Variants in ULK4 observed in about 807,000 individuals in gnomAD.
ULK4 encodes the protein unc-51 like kinase 4, also known as inactive serine/threonine-protein kinase ULK4.
Under a neutral mutation model 160.6 loss-of-function variants are expected in ULK4, and 133 were observed. The observed-to-expected ratio is 0.83, with a 90% confidence interval of 0.72 to 0.96. ULK4 has a LOEUF of 0.96. Ranked by LOEUF, ULK4 falls within the 40% of genes least tolerant of loss-of-function variation. ULK4 has a pLI of 0.00. For missense variants in ULK4, 1,580 were observed against 1,499.5 expected (o/e 1.05, Z -0.89); for synonymous variants, 534 against 539.8 (o/e 0.99, Z 0.15).
intron 9 of ULK4, among the ~76,000 whole-genome samples, 162 bp downstream of exon 9, chr3:41,912,645 T>C (rs1031469578): frequency 2.6e-5 from 4 of 152,210 alleles, no homozygotes; most frequent in South Asian, 4.1e-4. Context: ...CATAAAAATA[T>C]CATGAGTAAA....
At chr3:41,595,789 T>C (rs2031649724) in intron 31 of ULK4, among the ~76,000 whole-genome samples, 1 of 152,036 alleles carries the variant, frequency 6.6e-6, no homozygotes, top group Non-Finnish European at 1.5e-5. Context: ...AAAAGTGCAA[T>C]CTCAGTAAAG....
intron 35 of ULK4, among the ~76,000 whole-genome samples, chr3:41,362,289 AT>A (rs550686024): frequency 1.2e-4 from 19 of 152,162 alleles, no homozygotes; most frequent in Non-Finnish European, 2.1e-4. Context: ...TTATTCTGGA[AT>A]TTTTTTTAGA....
intron 32 of ULK4, among the ~76,000 whole-genome samples, chr3:41,502,858 T>C (rs1180777787): frequency 2.0e-5 from 3 of 152,206 alleles, no homozygotes; most frequent in Admixed American, 1.3e-4. Flanking sequence ...ATCTTGATTA[T>C]GGTGATGGCT....
intron 23 of ULK4, among the ~76,000 whole-genome samples, chr3:41,716,030 A>G (rs2037253456): frequency 6.6e-6 from 1 of 151,366 alleles, no homozygotes; most frequent in Non-Finnish European, 1.5e-5. Flanking sequence ...TGGCCAAAAT[A>G]GTGAAACCCC....
rs766812553 is a variant in ULK4, at chr3:41,931,891, T to A, written c.494A>T (p.Asp165Val). ...ALVAAEEGGGDNGENVLKKSM... is the reference protein window; with the variant it reads ...ALVAAEEGGGVNGENVLKKSM... ...TTTCTTCAGGACATTTTCCCCATTA[T>A]CACCTCCTCCTTCCTCTGCTGCCAC... Residue 165 changes from aspartate to valine, a missense_variant, in exon 5 of 37, where the codon GAT becomes GTT. Physicochemically the swap from Asp to Val is radical, Grantham distance 152. Transcript: ENST00000301831. 3.1e-6 allele frequency: 5 copies of A among 1,614,140 alleles called. No individual in the cohort carries two copies. In the South Asian group the frequency reaches 5.5e-5, roughly 18 times the overall value.
intron 34 of ULK4, among the ~76,000 whole-genome samples, chr3:41,412,559 T>G (rs1020350699): frequency 5.3e-5 from 4 of 75,380 alleles, no homozygotes; most frequent in South Asian, 6.5e-4. Context: ...TTGAATTTTT[T>G]TTTTTTTTTT....
intron 35 of ULK4, among the ~76,000 whole-genome samples, chr3:41,327,291 C>T (rs535817961): frequency 6.6e-6 from 1 of 152,088 alleles, no homozygotes; most frequent in East Asian, 1.9e-4. Context: ...GAGCAAATTA[C>T]ACCAAATCCC....
intron 27 of ULK4, among the ~76,000 whole-genome samples, chr3:41,686,646 G>C (rs79145828): frequency 0.033 from 4,984 of 152,160 alleles, 198 homozygotes; most frequent in African/African-American, 0.089. Flanking sequence ...GATGACATAG[G>C]AAAAGTTCTA....
rs540747815 is a variant in ULK4 at position 41,911,323 on chromosome 3, A to C, written c.1079T>G (p.Leu360Arg). ...LEGQLNESMF[L>R]LSSRPTPRTS... ...CTTTTTTCATTTTACCTACCTGAGA[A>C]GAAACATGGATTCATTCAATTGACC... The change falls in exon 11 of 37, where the codon CTT (leucine) becomes CGT (arginine). Residue 360 changes from leucine to arginine, a missense_variant. By Grantham distance (102) the Leu-to-Arg change is moderately radical. Coordinates refer to ENST00000301831, the MANE Select transcript of ULK4 (RefSeq NM_017886.4). The C allele has an allele frequency of 1.1e-5, 17 of 1,613,710 alleles. No individual in the cohort carries two copies. The South Asian group carries it at 1.9e-4, about 18-fold the overall frequency.
At chr3:41,486,182 A>C (rs1302935197) in intron 32 of ULK4, among the ~76,000 whole-genome samples, 1 of 152,104 alleles carries the variant, frequency 6.6e-6, no homozygotes, top group East Asian at 1.9e-4. Context: ...CAGGGGCAGG[A>C]ATATAAAGGG....
intron 5 of ULK4, among the ~76,000 whole-genome samples, chr3:41,925,292 C>T (rs1033836273): frequency 2.0e-5 from 3 of 152,112 alleles, no homozygotes; most frequent in Non-Finnish European, 2.9e-5. Context: ...ACCCGGGAAG[C>T]GCTAGGGGTC....
intron 35 of ULK4, among the ~76,000 whole-genome samples, chr3:41,259,083 GAT>G (rs911987763): frequency 6.9e-6 from 1 of 144,170 alleles, no homozygotes; most frequent in South Asian, 2.1e-4. Flanking sequence ...TACATCTGAT[GAT>G]ATATATACAT....
chr3:41,679,071 T>C (rs779563774), intron 29 of ULK4, among the ~76,000 whole-genome samples: 4 of 152,202 alleles, frequency 2.6e-5, no homozygotes, highest in Non-Finnish European at 4.4e-5. Context: ...TTTACATCTA[T>C]TGAGCCCTTA....
chr3:41,351,178 C>T (rs1438109457), intron 35 of ULK4, among the ~76,000 whole-genome samples: 1 of 152,118 alleles, frequency 6.6e-6, no homozygotes, highest in East Asian at 1.9e-4. Flanking sequence ...GAACTTTACA[C>T]CCAGCAGTAT....
rs745482952 is a variant in ULK4, at chr3:41,715,236, C to T, written c.2634+1G>A. 35 of 1,611,842 alleles carry T rather than the reference C, an allele frequency of 2.2e-5. No individual in the cohort carries two copies. Among genetic ancestry groups the T allele is most frequent in the Middle Eastern group, 1.9e-4 (1 of 5,218 alleles). On this transcript the variant is annotated splice_donor_variant, in intron 25 of 36. Transcript: ENST00000301831. LOFTEE classifies it high-confidence loss of function. ...AACAAGGAAAATTTCGTGTTACTCA[C>T]AAGAATAGTTCCATAGCTGAAAAGA...
intron 30 of ULK4, among the ~76,000 whole-genome samples, chr3:41,632,271 C>CT (rs1244309405): frequency 1.3e-5 from 2 of 152,298 alleles, no homozygotes; most frequent in East Asian, 3.9e-4. Flanking sequence ...ACCAGCATTT[C>CT]TTTTCTCCTA....
At chr3:41,624,008 A>G (rs1248330035) in intron 30 of ULK4, among the ~76,000 whole-genome samples, 1 of 152,218 alleles carries the variant, frequency 6.6e-6, no homozygotes, top group Admixed American at 6.5e-5. Flanking sequence ...AAATAAATAG[A>G]TGTGATCACT....
intron 32 of ULK4, among the ~76,000 whole-genome samples, chr3:41,477,941 C>T (rs74561046): frequency 0.012 from 1,829 of 152,336 alleles, 14 homozygotes; most frequent in African/African-American, 0.028. Flanking sequence ...GTCTAACATG[C>T]TCACCTAGGT....
chr3:41,314,318 C>T (rs1228296513), intron 35 of ULK4, among the ~76,000 whole-genome samples: 3 of 152,174 alleles, frequency 2.0e-5, no homozygotes, highest in African/African-American at 7.2e-5. Flanking sequence ...ACAGTGAACA[C>T]TATACCCAAC....
Sources: allele counts gnomAD v4.1 joint callset (sites outside exome capture counted in the v4.1 genomes callset), GRCh38; gene constraint gnomAD v4.1.1; transcripts MANE v1.5; gene names NCBI Gene and HGNC (gene_info 2026-07-23, HGNC 2026-07-21).